LINGO2: variants seen among roughly 807,000 people sequenced by gnomAD.
LINGO2 encodes the protein leucine rich repeat and Ig domain containing 2, also known as leucine-rich repeat and immunoglobulin-like domain-containing nogo receptor-interacting protein 2.
LINGO2 carries 14 observed loss-of-function variants against 30.6 expected under a neutral mutation model. The observed-to-expected ratio is 0.46, with a 90% CI of 0.30 to 0.72. The LOEUF (loss-of-function observed/expected upper bound fraction) is 0.72, where lower values mean the gene tolerates loss of function less well. LINGO2 is among the 30% of genes least tolerant of loss of function. The pLI, the probability that LINGO2 is intolerant of heterozygous loss-of-function variation, is 0.07. For synonymous variants in LINGO2, 317 were observed against 288.5 expected, an observed-to-expected ratio of 1.10 and a Z score of -1.00; for missense variants, 729 against 751.7, an observed-to-expected ratio of 0.97 and a Z score of 0.35.
intron 1 of LINGO2, among the ~76,000 whole-genome samples, chr9:28,627,138 TG>T (rs1456214213): frequency 6.6e-6 from 1 of 152,018 alleles, no homozygotes; most frequent in Non-Finnish European, 1.5e-5. Context: ...CTGACGTAGG[TG>T]TAGCCCTTAC....
chr9:28,915,273 A>T, the LINGO2 span, among the ~76,000 whole-genome samples: 5 of 152,206 alleles, frequency 3.3e-5, no homozygotes, highest in African/African-American at 1.2e-4. Flanking sequence ...TTATGAAATC[A>T]TCTGTTCACA....
At chr9:28,879,268 A>G in the LINGO2 span, among the ~76,000 whole-genome samples, 11 of 152,128 alleles carry the variant, frequency 7.2e-5, no homozygotes, top group African/African-American at 2.7e-4. Flanking sequence ...TTAATAGGAG[A>G]GTGAAACAAG....
chr9:28,002,106 G>A (rs906769911), intron 5 of LINGO2, among the ~76,000 whole-genome samples: 1 of 152,200 alleles, frequency 6.6e-6, no homozygotes, highest in African/African-American at 2.4e-5. Context: ...CAATCAGATT[G>A]AATATTACAG....
chr9:28,569,443 A>G (rs1365417045), intron 1 of LINGO2, among the ~76,000 whole-genome samples: 1 of 151,448 alleles, frequency 6.6e-6, no homozygotes, highest in Non-Finnish European at 1.5e-5. Context: ...ATGATGGAAT[A>G]TTATTCAGCC....
the LINGO2 span, among the ~76,000 whole-genome samples, chr9:28,918,980 G>A: frequency 6.6e-6 from 1 of 152,190 alleles, no homozygotes; most frequent in East Asian, 1.9e-4. Context: ...CAGGATGGGT[G>A]CACTGTATCC....
At chr9:28,448,712 AACAG>A (rs1824526671) in intron 2 of LINGO2, among the ~76,000 whole-genome samples, 1 of 152,100 alleles carries the variant, frequency 6.6e-6, no homozygotes, top group Non-Finnish European at 1.5e-5. Flanking sequence ...GATCATAAAG[AACAG>A]ACAGCTTCTA....
At chr9:28,299,266 C>T (rs1326256109) in intron 3 of LINGO2, among the ~76,000 whole-genome samples, 1 of 152,084 alleles carries the variant, frequency 6.6e-6, no homozygotes, top group Non-Finnish European at 1.5e-5. Context: ...GTGTCTAAGT[C>T]ACTCATTTTC....
chr9:28,252,615 C>T (rs1822244576), intron 4 of LINGO2, among the ~76,000 whole-genome samples: 1 of 151,592 alleles, frequency 6.6e-6, no homozygotes. Context: ...TAAATGAGAG[C>T]AATCATATGA....
the LINGO2 span, among the ~76,000 whole-genome samples, chr9:28,756,527 T>C: frequency 6.6e-6 from 1 of 152,008 alleles, no homozygotes; most frequent in South Asian, 2.1e-4. Flanking sequence ...GACATGATAT[T>C]GGGGAGAGAA....
At chr9:28,278,354 A>G (rs1019694860) in intron 4 of LINGO2, among the ~76,000 whole-genome samples, 1 of 152,184 alleles carries the variant, frequency 6.6e-6, no homozygotes, top group Admixed American at 6.5e-5. Flanking sequence ...AATTTAGATG[A>G]AATGGCCTTA....
At chr9:29,036,283 T>A in the LINGO2 span, among the ~76,000 whole-genome samples, 2 of 152,116 alleles carry the variant, frequency 1.3e-5, no homozygotes, top group African/African-American at 4.8e-5. Context: ...AAGAAATGAA[T>A]GGCTTTTGAG....
chr9:28,848,063 G>A, the LINGO2 span, among the ~76,000 whole-genome samples: 5 of 6,362 alleles, frequency 7.9e-4, no homozygotes, highest in Admixed American at 1.9e-3. Context: ...ATATATATAT[G>A]TATATAATAT....
the LINGO2 span, among the ~76,000 whole-genome samples, chr9:29,164,880 A>G: frequency 6.6e-6 from 1 of 152,160 alleles, no homozygotes; most frequent in Admixed American, 6.5e-5. Flanking sequence ...TCACTGATCT[A>G]TTAACTATAT....
At chr9:28,525,573 C>T (rs1820993279) in intron 1 of LINGO2, among the ~76,000 whole-genome samples, 1 of 152,110 alleles carries the variant, frequency 6.6e-6, no homozygotes, top group African/African-American at 2.4e-5. Flanking sequence ...CAAAAGACCA[C>T]ATATTGCAGA....
At chr9:29,016,721 C>A in the LINGO2 span, among the ~76,000 whole-genome samples, 2 of 152,142 alleles carry the variant, frequency 1.3e-5, no homozygotes, top group East Asian at 3.9e-4. Context: ...AGAACTATAT[C>A]TTTTCATAAA....
the LINGO2 span, among the ~76,000 whole-genome samples, chr9:29,027,508 T>G: frequency 2.0e-5 from 3 of 152,054 alleles, no homozygotes; most frequent in African/African-American, 7.2e-5. Flanking sequence ...CAGCAAATTT[T>G]TGTATTTTTA....
At chr9:28,333,556 A>T (rs1465349516) in intron 3 of LINGO2, among the ~76,000 whole-genome samples, 2 of 152,198 alleles carry the variant, frequency 1.3e-5, no homozygotes, top group Admixed American at 1.3e-4. Flanking sequence ...ATAACTACTT[A>T]GTTTTCAAAA....
chr9:28,918,805 A>G, the LINGO2 span, among the ~76,000 whole-genome samples: 1 of 152,176 alleles, frequency 6.6e-6, no homozygotes, highest in African/African-American at 2.4e-5. Context: ...CAAAACAACA[A>G]ACTAGGACAT....
At chr9:28,731,720 C>A in the LINGO2 span, among the ~76,000 whole-genome samples, 1 of 152,012 alleles carries the variant, frequency 6.6e-6, no homozygotes, top group African/African-American at 2.4e-5. Flanking sequence ...ATTAAAGATA[C>A]ACATATATAC....
Sources: gnomAD v4.1 joint callset for allele counts (sites outside exome capture counted in the v4.1 genomes callset) on GRCh38, gnomAD v4.1.1 for gene constraint, MANE v1.5 for transcripts, NCBI Gene and HGNC (gene_info 2026-07-23, HGNC 2026-07-21) for gene names.